Variants in FAIM2 observed in about 807,000 individuals in gnomAD.
FAIM2 encodes Fas apoptotic inhibitory molecule 2, also known as protein lifeguard 2.
Under a neutral mutation model 47.4 loss-of-function variants are expected in FAIM2, and 27 were observed. That is an observed-to-expected ratio of 0.57 (90% CI 0.42 to 0.78). The LOEUF (loss-of-function observed/expected upper bound fraction) is 0.78, where lower values mean the gene tolerates loss of function less well. FAIM2 is among the 30% of genes least tolerant of loss of function. FAIM2 has a pLI of 0.00. For synonymous variants in FAIM2, 156 were observed against 159.3 expected (o/e 0.98, Z 0.16); for missense variants, 311 against 389.4 (o/e 0.80, Z 1.69).
chr12:49,897,201 T>A, intron 4 of FAIM2, 117 bp from the exon 5 acceptor site: 1 of 918,076 alleles, frequency 1.1e-6, no homozygotes, highest in South Asian at 1.4e-5. Flanking sequence ...GCCAAAGGAA[T>A]GCAGCCCCTG....
chr12:49,890,821 C>G, intron 6 of FAIM2, 99 bp from the exon 7 acceptor site: 1 of 1,000,158 alleles, frequency 1.0e-6, no homozygotes, highest in Middle Eastern at 2.1e-4. Flanking sequence ...GACCAACCCC[C>G]TCCACACTCC....
intron 11 of FAIM2, among the ~76,000 whole-genome samples, chr12:49,879,700 ATG>A (rs543494704): frequency 0.061 from 3,590 of 59,244 alleles, 55 homozygotes; most frequent in Non-Finnish European, 0.072. Flanking sequence ...GTCTGTGTGC[ATG>A]TGTGTGTGTG....
intron 11 of FAIM2, among the ~76,000 whole-genome samples, chr12:49,886,855 G>A (rs548102341): frequency 1.2e-4 from 18 of 152,236 alleles, no homozygotes; most frequent in African/African-American, 4.1e-4. Flanking sequence ...AGCTGGCTGG[G>A]GGGAAGCAAG....
chr12:49,902,488 T>C (rs1363906504), intron 1 of FAIM2: 1 of 152,214 alleles, frequency 6.6e-6, no homozygotes, highest in Admixed American at 6.5e-5. Context: ...ACCACTGAAC[T>C]GGAGCGGTCT....
At chr12:49,879,505 T>C (rs1254092826) in intron 11 of FAIM2, among the ~76,000 whole-genome samples, 1 of 149,230 alleles carries the variant, frequency 6.7e-6, no homozygotes, top group Non-Finnish European at 1.5e-5. Context: ...TGTGTATATG[T>C]ATGTGCATGT....
chr12:49,892,912 A>G lies in FAIM2; in HGVS notation c.435-1798T>C, dbSNP rs1426056054. 6.6e-5 allele frequency among the ~76,000 whole-genome samples: 10 copies of G among 152,260 alleles called. No individual in the cohort carries two copies. In the South Asian group the frequency reaches 1.9e-3, roughly 28 times the overall value. On this transcript the variant is annotated intron_variant, in intron 5 of 11. Transcript: ENST00000320634. ...TGCATTCCCTCCTGCAGAGGATGTCATGCATCCTCCAAGTCACCCAATCAG... is the reference window on the plus strand; with the variant it reads ...TGCATTCCCTCCTGCAGAGGATGTCGTGCATCCTCCAAGTCACCCAATCAG...
Position 49,897,729 on chromosome 12 carries a change from C to G in FAIM2, c.316-146G>C, listed in dbSNP as rs562495561. On this transcript the variant is annotated intron_variant, in intron 3 of 11. Coordinates refer to ENST00000320634, the MANE Select transcript of FAIM2 (RefSeq NM_012306.4). Reference sequence around the variant, plus strand: ...TCATTGGAGTGAACCCAGGGCAAGGCGAAAGGAAAGCAAAGATGCTGCAGA... The same window carrying G: ...TCATTGGAGTGAACCCAGGGCAAGGGGAAAGGAAAGCAAAGATGCTGCAGA... 7.5e-6 allele frequency: 5 copies of G among 666,638 alleles called. No homozygotes were observed. The Admixed American group carries it at 1.4e-4, about 19-fold the overall frequency. The allele number at this position is 666,638 out of a possible 1,614,324, so 41.3% of individuals were successfully genotyped here. A position where few individuals can be genotyped will look rare whatever the true frequency, so the allele number is the denominator to read the frequency against.
Position 49,897,099 on chromosome 12 carries a change from G to C in FAIM2, c.381-15C>G. The C allele has an allele frequency of 1.2e-6, 2 of 1,607,888 alleles. No homozygotes were observed. The highest frequency in any genetic ancestry group is 1.7e-6 in the Non-Finnish European group (2 of 1,174,296). ...TGACAGGGTCACTGCAGAGAAGAGA[G>C]AGTGGGAGAGAGAGTCAGAATGTAC... On this transcript the variant is annotated splice_polypyrimidine_tract_variant and intron_variant, in intron 4 of 11. Coordinates refer to ENST00000320634, the MANE Select transcript of FAIM2 (RefSeq NM_012306.4).
chr12:49,878,754 GTA>G lies in FAIM2; in HGVS notation c.802-8103_802-8102del, dbSNP rs1278667246. On this transcript the variant is annotated intron_variant, in intron 11 of 11. Transcript: ENST00000320634. ...TGCATGTGAGTGTATATGCATATGT[GTA>G]TATATTTATTTGTGTGCATGAGTGT... Among the ~76,000 whole-genome samples the G allele has an allele frequency of 2.3e-4, 28 of 123,964 alleles. 2 individuals are homozygous for G. Among genetic ancestry groups the G allele is most frequent in the Admixed American group, 3.7e-4 (4 of 10,780 alleles). The allele number at this position is 123,964 out of a possible 152,430, so 81.3% of individuals were successfully genotyped here.
At chr12:49,898,218 T>A in intron 2 of FAIM2, 128 bp from the exon 3 acceptor site, 1 of 343,608 alleles carries the variant, frequency 2.9e-6, no homozygotes, top group South Asian at 2.7e-5. Flanking sequence ...CTTTCTCTCC[T>A]GCCCCATTAT....
At chr12:49,900,070 C>A (rs375276811) in intron 2 of FAIM2, 1 of 497,142 alleles carries the variant, frequency 2.0e-6, no homozygotes, top group East Asian at 7.3e-5. Flanking sequence ...CCCAGGTGGC[C>A]AGGCCACAGA....
At chr12:49,876,590 C>T (rs1432086420) in intron 11 of FAIM2, among the ~76,000 whole-genome samples, 3 of 146,462 alleles carry the variant, frequency 2.0e-5, no homozygotes, top group South Asian at 2.2e-4. Context: ...GGGGAAACCC[C>T]GTCTCTACTA....
intron 2 of FAIM2, among the ~76,000 whole-genome samples, chr12:49,898,299 T>C (rs984008632): frequency 6.6e-6 from 1 of 152,274 alleles, no homozygotes; most frequent in Non-Finnish European, 1.5e-5. Flanking sequence ...TTTCCTGCTC[T>C]GAGTCCTGGG....
At chr12:49,871,544 A>C (rs188384025) in intron 11 of FAIM2, among the ~76,000 whole-genome samples, 1 of 152,202 alleles carries the variant, frequency 6.6e-6, no homozygotes. Flanking sequence ...CTTAAGTAGC[A>C]TATGAAATTT....
chr12:49,871,566 T>C (rs755891037), intron 11 of FAIM2, among the ~76,000 whole-genome samples: 1 of 152,148 alleles, frequency 6.6e-6, no homozygotes, highest in Admixed American at 6.6e-5. Context: ...GCAGGCGTGG[T>C]GCGCTTTTCT....
At chr12:49,902,710 C>CG (rs1400981159) in intron 1 of FAIM2, 2 of 151,652 alleles carry the variant, frequency 1.3e-5, no homozygotes, top group Non-Finnish European at 2.9e-5. Flanking sequence ...CCCCAGCCCC[C>CG]CTCATCACCC....
intron 3 of FAIM2, 35 bp from the exon 4 acceptor site, chr12:49,897,618 G>C: frequency 6.5e-7 from 1 of 1,542,924 alleles, no homozygotes; most frequent in South Asian, 1.1e-5. Context: ...AGCTTGGGGG[G>C]CCCTGTTAGG....
At chr12:49,877,814 GTGTA>G (rs547436769) in intron 11 of FAIM2, among the ~76,000 whole-genome samples, 358 of 152,008 alleles carry the variant, frequency 2.4e-3, no homozygotes, top group South Asian at 0.016. Context: ...GTGTGCGTAT[GTGTA>G]TGTGTGTCTA....
chr12:49,889,789 T>A (rs988944997), intron 8 of FAIM2, among the ~76,000 whole-genome samples: 1 of 152,082 alleles, frequency 6.6e-6, no homozygotes, highest in Non-Finnish European at 1.5e-5. Flanking sequence ...AGGATCTTGA[T>A]GAGGTGGGAG....
Sources: gnomAD v4.1 joint callset for allele counts (sites outside exome capture counted in the v4.1 genomes callset) on GRCh38, gnomAD v4.1.1 for gene constraint, MANE v1.5 for transcripts, NCBI Gene and HGNC (gene_info 2026-07-23, HGNC 2026-07-21) for gene names.